NFATC4: variants seen among roughly 807,000 people sequenced by gnomAD.
NFATC4 encodes the protein nuclear factor of activated T cells 4.
NFATC4 carries 25 observed loss-of-function variants against 73.4 expected under a neutral mutation model. That is an observed-to-expected ratio of 0.34 (90% CI 0.25 to 0.48). NFATC4 has a LOEUF of 0.48. Among genes scored for constraint, NFATC4 ranks in the 20% least tolerant of loss-of-function variants. NFATC4 has a pLI of 0.99. For missense variants in NFATC4, 1,130 were observed against 1,203.7 expected, an observed-to-expected ratio of 0.94 and a Z score of 0.91; for synonymous variants, 523 against 510.3, an observed-to-expected ratio of 1.02 and a Z score of -0.34.
upstream of NFATC4, chr14:24,367,100 A>G: frequency 1.9e-6 from 3 of 1,613,546 alleles, no homozygotes; most frequent in South Asian, 1.1e-5. Flanking sequence ...CCTCGCCAGT[A>G]TCTCCCACCG....
chr14:24,367,273 A>T, upstream of NFATC4: 1 of 1,593,332 alleles, frequency 6.3e-7, no homozygotes. Flanking sequence ...GAGGAGGGGA[A>T]CCCACAGGGT....
chr14:24,372,328 C>T, intron 2 of NFATC4, 113 bp from the exon 3 acceptor site: 22 of 1,145,070 alleles, frequency 1.9e-5, no homozygotes, highest in East Asian at 2.4e-5. Context: ...TTCTTTATTT[C>T]TTCTGTGCTT....
At chr14:24,375,107 C>T (rs1288410075) in intron 6 of NFATC4, among the ~76,000 whole-genome samples, 2 of 151,932 alleles carry the variant, frequency 1.3e-5, no homozygotes, top group African/African-American at 2.4e-5. Flanking sequence ...CCCCATGTTG[C>T]CCAGGCTGGT....
chr14:24,368,103 C>T, upstream of NFATC4: 2 of 1,181,970 alleles, frequency 1.7e-6, no homozygotes, highest in Non-Finnish European at 2.1e-6. Flanking sequence ...GGGGCTGGAG[C>T]ATCCCCGGCA....
chr14:24,374,599 A>G (rs1317926664), intron 6 of NFATC4, 133 bp downstream of exon 6: 1 of 824,070 alleles, frequency 1.2e-6, no homozygotes, highest in African/African-American at 1.7e-5. Flanking sequence ...CAGACAGACT[A>G]CCCTTTCTAT....
At position 24,376,621 on chromosome 14, in the gene NFATC4, G is replaced by A. The variant is rs746766488; in HGVS notation, c.2384G>A (p.Arg795Gln). 3.8e-5 allele frequency: 61 copies of A among 1,613,452 alleles called. No individual in the cohort carries two copies. The highest frequency in any genetic ancestry group is 7.7e-5 in the South Asian group (7 of 91,070). ...RPFPSDPYGG[R>Q]GSSFSLGLPF... ...TTCCCTAGTGACCCGTATGGAGGGCGGGGCTCCTCTTTCTCCCTGGGGCTG... is the reference window on the plus strand; with the variant it reads ...TTCCCTAGTGACCCGTATGGAGGGCAGGGCTCCTCTTTCTCCCTGGGGCTG... Residue 795 changes from arginine (R) to glutamine (Q), a missense_variant, in exon 9 of 10, where the codon CGG becomes CAG. Physicochemically the swap from Arg to Gln is conservative, Grantham distance 43 (BLOSUM62 1). This residue lies in a region of NFATC4 where 390 missense variants were observed against 408.1 expected (regional missense o/e 0.96). Transcript: ENST00000250373. This position sits in a 1 kb window ranked among gnomAD's most constrained non-coding sequence, Gnocchi z 5.0.
chr14:24,373,573 T>A lies in NFATC4; in HGVS notation c.1560-122T>A. The A allele has an allele frequency of 6.9e-7, 1 of 1,449,476 alleles. No individual in the cohort carries two copies. The highest frequency in any genetic ancestry group is 9.3e-7 in the Non-Finnish European group (1 of 1,071,190). 89.8% of individuals were successfully genotyped at this position (1,449,476 alleles called of 1,614,324 possible). On this transcript the variant is annotated intron_variant, in intron 4 of 9. Transcript: ENST00000250373. The surrounding 1 kb of genome is among the most constrained non-coding windows in gnomAD (Gnocchi z 4.7). The stretch of plus-strand genomic sequence containing the variant: ...GCCATCTCTGGGTTAGAAAATAGCC[T>A]CCTAGGCACTCATCGAAAGTCATTC...
upstream of NFATC4, chr14:24,367,013 C>A (rs371151929): frequency 1.9e-6 from 3 of 1,610,264 alleles, no homozygotes; most frequent in African/African-American, 4.0e-5. Flanking sequence ...ACTGGAGACG[C>A]GGCCTCTAAG....
chr14:24,376,517 G>A lies in NFATC4; in HGVS notation c.2280G>A (p.Pro760=), dbSNP rs202122107. ...PQTGPPPSYR[P]GLRMFPETRG... is the part of the protein sequence containing the mutation. The stretch of plus-strand genomic sequence containing the variant: ...CGGGGCCCCCACCATCCTACAGACC[G>A]GGCCTGCGGATGTTCCCTGAGACTA... Residue 760 remains proline (P), a synonymous_variant, in exon 9 of 10, where the codon CCG becomes CCA. Coordinates refer to ENST00000250373, the MANE Select transcript of NFATC4 (RefSeq NM_004554.5). The surrounding 1 kb of genome is among the most constrained non-coding windows in gnomAD (Gnocchi z 5.0). 278 of 1,613,782 alleles carry A rather than the reference G, an allele frequency of 1.7e-4. No homozygotes were observed. The highest frequency in any genetic ancestry group is 2.0e-4 in the Admixed American group (12 of 59,982).
upstream of NFATC4, chr14:24,367,802 TA>T: frequency 2.2e-6 from 3 of 1,342,952 alleles, no homozygotes; most frequent in African/African-American, 1.5e-5. Flanking sequence ...CTTCAGAATT[TA>T]AAAAAGGGTC....
rs2042361532 is a variant in NFATC4 at position 24,368,299 on chromosome 14, C to A, written c.-42C>A. 1.5e-6 allele frequency: 2 copies of A among 1,378,102 alleles called. No homozygotes were observed. The highest frequency in any genetic ancestry group is 3.7e-5 in the South Asian group (2 of 53,860). 85.4% of individuals were successfully genotyped at this position (1,378,102 alleles called of 1,614,324 possible). A position where few individuals can be genotyped will look rare whatever the true frequency, so the allele number is the denominator to read the frequency against. On this transcript the variant is annotated 5_prime_UTR_variant, in exon 1 of 10. Transcript: ENST00000250373. ...AGATACAGCAGCCTCCTGAACTCCC[C>A]CCTCCCACCCAGGCCGGGACCTGGG...
At chr14:24,370,700 CAA>C (rs1401795076) in intron 2 of NFATC4, 106 bp downstream of exon 2, 8 of 1,438,882 alleles carry the variant, frequency 5.6e-6, no homozygotes, top group South Asian at 1.4e-5. Flanking sequence ...CTCTGAATTT[CAA>C]AAGAGTATCT....
rs1292797542 is a variant in NFATC4, at chr14:24,370,194, T to C, written c.796T>C (p.Cys266Arg). The change falls in exon 2 of 10, where the codon TGT (cysteine) becomes CGT (arginine). Residue 266 changes from cysteine (C) to arginine (R), a missense_variant. Around this residue, in one of 3 missense-constraint regions of NFATC4, gnomAD observed 585 missense variants for 574.3 expected, o/e 1.02. Coordinates refer to ENST00000250373, the MANE Select transcript of NFATC4 (RefSeq NM_004554.5). ...AGCCTCCCCGCGGCCTGCCTCTCCATGTGGCAAGCGGCGCTATTCCAGCTC... is the reference window on the plus strand; with the variant it reads ...AGCCTCCCCGCGGCCTGCCTCTCCACGTGGCAAGCGGCGCTATTCCAGCTC... The part of the protein sequence containing the change: ...TPASPRPASP[C>R]GKRRYSSSGT... 6.2e-7 allele frequency: 1 copy of C among 1,607,966 alleles called. No individual in the cohort carries two copies. The highest frequency in any genetic ancestry group is 8.5e-7 in the Non-Finnish European group (1 of 1,179,892).
chr14:24,373,215 C>T lies in NFATC4; in HGVS notation c.1404C>T (p.Ile468=), dbSNP rs773652389. Residue 468 remains isoleucine, a synonymous_variant, in exon 4 of 10, where the codon ATC becomes ATT. Coordinates refer to ENST00000250373, the MANE Select transcript of NFATC4 (RefSeq NM_004554.5). The surrounding 1 kb of genome is among the most constrained non-coding windows in gnomAD (Gnocchi z 4.7). ...SEKPLTLQMF[I]GTADERNLRP... ...AGCCACTGACCCTACAGATGTTCAT[C>T]GGCACTGCAGATGAAAGGAACCTGC... The T allele has an allele frequency of 2.2e-5, 35 of 1,614,086 alleles. No individual in the cohort carries two copies. Among genetic ancestry groups the T allele is most frequent in the East Asian group, 8.9e-5 (4 of 44,896 alleles).
chr14:24,375,736 C>A (rs1436871360), intron 7 of NFATC4, 21 bp downstream of exon 7: 3 of 1,114,528 alleles, frequency 2.7e-6, no homozygotes, highest in Non-Finnish European at 4.0e-6. Flanking sequence ...CACTTGGATA[C>A]CTCCTGGGGG....
At position 24,373,421 on chromosome 14, in the gene NFATC4, T is replaced by G. The variant is rs368111922; in HGVS notation, c.1559+51T>G. The G allele has an allele frequency of 2.5e-6, 4 of 1,594,310 alleles. No homozygotes were observed. Among genetic ancestry groups the G allele is most frequent in the South Asian group, 1.1e-5 (1 of 90,146 alleles). ...GTCCGCAGGCTTTGTACTAGCTTTC[T>G]CCACTGGGCCTATGCTAGCCCACTT... is the stretch of plus-strand genomic sequence containing the variant. On this transcript the variant is annotated intron_variant, in intron 4 of 9. Transcript: ENST00000250373. This position sits in a 1 kb window ranked among gnomAD's most constrained non-coding sequence, Gnocchi z 4.7.
chr14:24,367,984 C>A (rs2042350761), upstream of NFATC4: 2 of 1,064,374 alleles, frequency 1.9e-6, no homozygotes, highest in East Asian at 1.3e-4. Context: ...GGACCGTTTT[C>A]CAATTCAGTT....
intron 7 of NFATC4, 42 bp downstream of exon 7, chr14:24,375,757 G>GGGGGGGGGC: frequency 1.8e-5 from 10 of 566,398 alleles, no homozygotes; most frequent in Non-Finnish European, 3.3e-5. Context: ...GCGGGGGTGG[G>GGGGGGGGGC]AGAAGGCAGG....
chr14:24,372,695 C>T lies in NFATC4; in HGVS notation c.1359+92C>T, dbSNP rs1329464608. The T allele has an allele frequency of 5.3e-6, 8 of 1,512,254 alleles. No individual in the cohort carries two copies. In the African/African-American group the frequency reaches 9.6e-5, roughly 18 times the overall value. 93.7% of individuals were successfully genotyped at this position (1,512,254 alleles called of 1,614,324 possible). A position where few individuals can be genotyped will look rare whatever the true frequency, so the allele number is the denominator to read the frequency against. On this transcript the variant is annotated intron_variant, in intron 3 of 9. Coordinates refer to ENST00000250373, the MANE Select transcript of NFATC4 (RefSeq NM_004554.5). ...CATGGCACTGCCCTTTCCCACACTCCCTCTCAGCTCTGACCCTGCAGGCAG... is the reference window on the plus strand; with the variant it reads ...CATGGCACTGCCCTTTCCCACACTCTCTCTCAGCTCTGACCCTGCAGGCAG...
Sources: allele counts gnomAD v4.1 joint callset (sites outside exome capture counted in the v4.1 genomes callset), GRCh38; gene constraint gnomAD v4.1.1; regional missense constraint gnomAD v4.1.1; non-coding constraint Gnocchi (gnomAD v3.1); transcripts MANE v1.5; gene names NCBI Gene and HGNC (gene_info 2026-07-23, HGNC 2026-07-21).